The following MNAT1 variants were observed in gnomAD, a reference collection of about 807,000 sequenced individuals.
The protein encoded by MNAT1 is CDK-activating kinase assembly factor MAT1.
MNAT1 carries 43 observed loss-of-function variants against 42.0 expected under a neutral mutation model. The observed-to-expected ratio is 1.02, with a 90% CI of 0.80 to 1.32. The LOEUF (loss-of-function observed/expected upper bound fraction) is 1.32, where lower values mean the gene tolerates loss of function less well. MNAT1 is among the 40% of genes most tolerant of loss of function. MNAT1 has a pLI of 0.00. For synonymous variants in MNAT1, 118 were observed against 120.0 expected (o/e 0.98, Z 0.11); for missense variants, 306 against 350.4 (o/e 0.87, Z 1.01).
At chr14:60,812,472 C>G (rs1020502296) in intron 5 of MNAT1, among the ~76,000 whole-genome samples, 1 of 152,178 alleles carries the variant, frequency 6.6e-6, no homozygotes. Flanking sequence ...GGGACGGGTA[C>G]CCAGAGAAAC....
chr14:60,883,029 T>C (rs2034585509), intron 7 of MNAT1, among the ~76,000 whole-genome samples: 2 of 152,182 alleles, frequency 1.3e-5, no homozygotes, highest in Admixed American at 6.5e-5. Context: ...TCCCATTCTA[T>C]AGGTTGTCTC....
intron 5 of MNAT1, among the ~76,000 whole-genome samples, chr14:60,813,355 TG>T (rs910719194): frequency 1.3e-4 from 20 of 152,102 alleles, no homozygotes; most frequent in African/African-American, 4.8e-4. Context: ...TTGAGTGCAG[TG>T]GGTCTAGTAG....
chr14:60,742,628 T>C (rs1896507664), intron 1 of MNAT1, among the ~76,000 whole-genome samples: 1 of 152,186 alleles, frequency 6.6e-6, no homozygotes, highest in African/African-American at 2.4e-5. Flanking sequence ...AAGATACCTC[T>C]CACCACTTAG....
chr14:60,741,658 GTTTTTTTTTTTTT>G (rs3049888), intron 1 of MNAT1, among the ~76,000 whole-genome samples: 3 of 92,022 alleles, frequency 3.3e-5, no homozygotes, highest in Non-Finnish European at 6.0e-5. Flanking sequence ...TGCGCCTGGG[GTTTTTTTTTTTTT>G]TTTTTTTTTA....
At position 60,891,325 on chromosome 14, in the gene MNAT1, TTTTG is replaced by T. The variant is rs372544105; in HGVS notation, c.809+11494_809+11497del. Among the ~76,000 whole-genome samples, 16 of 152,246 alleles carry T rather than the reference TTTTG, an allele frequency of 1.1e-4. No homozygotes were observed. The South Asian group carries it at 2.7e-3, about 26-fold the overall frequency. ...ATTTTTCTCTTTTTTCTATTCTCTA[TTTTG>T]TTTATTTCTGCTTTAATCTTCATTA... On this transcript the variant is annotated intron_variant, in intron 7 of 7. Transcript: ENST00000261245.
chr14:60,795,578 C>A (rs1204621998), intron 1 of MNAT1, among the ~76,000 whole-genome samples: 7 of 152,142 alleles, frequency 4.6e-5, no homozygotes, highest in Admixed American at 3.9e-4. Context: ...CGAACTTTAA[C>A]CGAATAAAGC....
intron 7 of MNAT1, among the ~76,000 whole-genome samples, chr14:60,929,714 A>C (rs1326639573): frequency 6.6e-6 from 1 of 152,172 alleles, no homozygotes; most frequent in Non-Finnish European, 1.5e-5. Context: ...CCTATCTGTA[A>C]TAATAATAGT....
At chr14:60,862,213 G>A (rs2139435447) in intron 6 of MNAT1, among the ~76,000 whole-genome samples, 1 of 152,222 alleles carries the variant, frequency 6.6e-6, no homozygotes, top group South Asian at 2.1e-4. Flanking sequence ...AAGATTAAAA[G>A]TCTTATGATT....
intron 6 of MNAT1, among the ~76,000 whole-genome samples, chr14:60,844,969 G>T (rs2033647078): frequency 6.6e-6 from 1 of 151,788 alleles, no homozygotes; most frequent in Non-Finnish European, 1.5e-5. Flanking sequence ...AATTCTACAT[G>T]GTTATGATAT....
intron 7 of MNAT1, among the ~76,000 whole-genome samples, chr14:60,964,244 A>G (rs1728770436): frequency 6.6e-6 from 1 of 152,186 alleles, no homozygotes; most frequent in South Asian, 2.1e-4. Context: ...TGGTTTTCTA[A>G]TGCTTAATCG....
rs1288460173 is a variant in MNAT1 at position 60,884,773 on chromosome 14, C to CTTACCA, written c.809+4945_809+4950dup. 2.6e-5 allele frequency among the ~76,000 whole-genome samples: 4 copies of CTTACCA among 152,108 alleles called. No homozygotes were observed. The East Asian group carries it at 7.7e-4, about 29-fold the overall frequency. On this transcript the variant is annotated intron_variant, in intron 7 of 7. Transcript: ENST00000261245. ...GGAATATTCTGTGTTTTTCTGTGTA[C>CTTACCA]TTACCATTACCAGTGAATTTTGTAC... is the stretch of plus-strand genomic sequence containing the variant.
chr14:60,765,566 A>G (rs919878185), intron 1 of MNAT1, among the ~76,000 whole-genome samples: 3 of 152,230 alleles, frequency 2.0e-5, no homozygotes, highest in African/African-American at 7.2e-5. Flanking sequence ...AAACAGTCTG[A>G]TGCTATGTCT....
chr14:60,952,663 G>A (rs1226066427), intron 7 of MNAT1, among the ~76,000 whole-genome samples: 3 of 152,132 alleles, frequency 2.0e-5, no homozygotes, highest in Non-Finnish European at 2.9e-5. Flanking sequence ...AGAAAGGTGA[G>A]TTCGATTATG....
At chr14:60,752,870 T>C (rs1320679664) in intron 1 of MNAT1, among the ~76,000 whole-genome samples, 1 of 152,208 alleles carries the variant, frequency 6.6e-6, no homozygotes. Flanking sequence ...GTTGGAGCAG[T>C]TCTCCTGCCT....
chr14:60,908,358 A>G (rs140769947), intron 7 of MNAT1, among the ~76,000 whole-genome samples: 3 of 151,980 alleles, frequency 2.0e-5, no homozygotes, highest in Non-Finnish European at 2.9e-5. Flanking sequence ...TTTACGGTAT[A>G]TGTGTACAAC....
chr14:60,894,705 G>T (rs533979895), intron 7 of MNAT1, among the ~76,000 whole-genome samples: 3 of 152,138 alleles, frequency 2.0e-5, no homozygotes, highest in African/African-American at 7.2e-5. Context: ...TCTGTTGGTG[G>T]TGGTGGTGGT....
At chr14:60,796,177 A>G (rs768773958) in intron 1 of MNAT1, 40 bp from the exon 2 acceptor site, 1 of 1,575,604 alleles carries the variant, frequency 6.3e-7, no homozygotes, top group Non-Finnish European at 8.6e-7. Context: ...GTAGATTTGA[A>G]CATTGGCTTA....
intron 7 of MNAT1, among the ~76,000 whole-genome samples, chr14:60,898,291 G>C (rs1363302158): frequency 1.3e-5 from 2 of 152,070 alleles, no homozygotes; most frequent in African/African-American, 2.4e-5. Context: ...TAGATACCCA[G>C]TAGTGGGATT....
At chr14:60,879,667 A>G (rs776747831) in intron 6 of MNAT1, 47 bp from the exon 7 acceptor site, 1 of 1,527,190 alleles carries the variant, frequency 6.5e-7, no homozygotes, top group South Asian at 1.2e-5. Flanking sequence ...AAGTAGCAAT[A>G]TGAAAATAAT....
Sources: allele counts gnomAD v4.1 joint callset (sites outside exome capture counted in the v4.1 genomes callset), GRCh38; gene constraint gnomAD v4.1.1; transcripts MANE v1.5; gene names NCBI Gene and HGNC (gene_info 2026-07-23, HGNC 2026-07-21).